The following DPEP1 variants were observed in gnomAD, a reference collection of about 807,000 sequenced individuals.
DPEP1 encodes the protein beta-lactamase.
In DPEP1, 50 loss-of-function variants were observed where a neutral mutation model predicts 42.3. That is an observed-to-expected ratio of 1.18 (90% CI 0.94 to 1.50). The LOEUF is 1.50. Among genes scored for constraint, DPEP1 ranks in the 40% most tolerant of loss-of-function variants. DPEP1 has a pLI of 0.00. For synonymous variants in DPEP1, 297 were observed against 234.0 expected (o/e 1.27, Z -2.46); for missense variants, 663 against 553.0 (o/e 1.20, Z -1.99).
rs770479588 is a variant in DPEP1 at position 89,636,370 on chromosome 16, C to A, written c.344C>A (p.Thr115Asn). 1.9e-6 allele frequency: 3 copies of A among 1,612,468 alleles called. No homozygotes were observed. Among genetic ancestry groups the A allele is most frequent in the East Asian group, 2.2e-5 (1 of 44,882 alleles). Residue 115 changes from threonine to asparagine, a missense_variant, in exon 4 of 11, where the codon ACC becomes AAC. Transcript: ENST00000690203. ...CGCATGTGCCGGATGTACCCGGAGA[C>A]CTTCCTGTATGTCACCAGCAGTGCA... Reference protein sequence around the residue: ...VHRMCRMYPETFLYVTSSAGI... With the variant: ...VHRMCRMYPENFLYVTSSAGI...
At chr16:89,620,405 T>TA (rs1255862033) in intron 1 of DPEP1, among the ~76,000 whole-genome samples, 3 of 152,090 alleles carry the variant, frequency 2.0e-5, no homozygotes, top group Non-Finnish European at 4.4e-5. Context: ...CTAAGGCAGA[T>TA]ACCCTACACT....
At chr16:89,617,682 T>C (rs868000531) in intron 1 of DPEP1, among the ~76,000 whole-genome samples, 5 of 145,686 alleles carry the variant, frequency 3.4e-5, no homozygotes, top group Non-Finnish European at 3.0e-5. Flanking sequence ...ACACCTGTAA[T>C]CCCAGCACTT....
chr16:89,626,280 G>A (rs1319911921), intron 1 of DPEP1, among the ~76,000 whole-genome samples: 1 of 152,170 alleles, frequency 6.6e-6, no homozygotes, highest in Non-Finnish European at 1.5e-5. Flanking sequence ...GCATCGTGGG[G>A]CCATTCACCC....
Position 89,637,473 on chromosome 16 carries a change from G to A in DPEP1, c.774G>A (p.Gln258=). 2.5e-6 allele frequency: 4 copies of A among 1,612,664 alleles called. No individual in the cohort carries two copies. The South Asian group carries it at 3.3e-5, about 13-fold the overall frequency. ...VPDDVLRLVK[Q]TDSLVMVNFY... ...CTGTCTTCCTTCTTGTGCAGAAACA[G>A]ACAGACAGCCTGGTGATGGTGAACT... The change falls in exon 8 of 11, where the codon CAG becomes CAA. Residue 258 remains glutamine (Q), a synonymous_variant. Coordinates refer to ENST00000690203, the MANE Select transcript of DPEP1 (RefSeq NM_001389466.1).
intron 6 of DPEP1, 76 bp downstream of exon 6, chr16:89,637,011 T>G: frequency 1.9e-6 from 3 of 1,579,744 alleles, no homozygotes; most frequent in Non-Finnish European, 2.6e-6. Flanking sequence ...ACAATGCATC[T>G]CCTCACGTGG....
At chr16:89,633,564 C>A (rs190960198) in intron 2 of DPEP1, among the ~76,000 whole-genome samples, 39 of 152,336 alleles carry the variant, frequency 2.6e-4, no homozygotes, top group South Asian at 6.2e-4. Flanking sequence ...GAGCCCGCAG[C>A]TGGAAATGAT....
At chr16:89,637,023 A>T (rs766251335) in intron 6 of DPEP1, 88 bp downstream of exon 6, 1 of 1,560,896 alleles carries the variant, frequency 6.4e-7, no homozygotes. Context: ...CTCACGTGGG[A>T]CCTCAGTGTC....
At chr16:89,621,654 G>A (rs956470382) in intron 1 of DPEP1, among the ~76,000 whole-genome samples, 6 of 152,324 alleles carry the variant, frequency 3.9e-5, no homozygotes, top group South Asian at 2.1e-4. Context: ...GTGGGCTCCC[G>A]TCCCTCGCAC....
chr16:89,638,405 G>C lies in DPEP1; in HGVS notation c.*183G>C, dbSNP rs1474622884. 1 of 1,357,838 alleles carries C rather than the reference G, an allele frequency of 7.4e-7. No homozygotes were observed. Among genetic ancestry groups the C allele is most frequent in the African/African-American group, 1.5e-5 (1 of 67,534 alleles). The allele number at this position is 1,357,838 out of a possible 1,614,324, so 84.1% of individuals were successfully genotyped here. On this transcript the variant is annotated 3_prime_UTR_variant, in exon 11 of 11. Transcript: ENST00000690203. Reference sequence around the variant, plus strand: ...ACAGTTCAGGACACACACACAGTAGGCCCGCAATAAAAGCAACACCCCTTC... The same window carrying C: ...ACAGTTCAGGACACACACACAGTAGCCCCGCAATAAAAGCAACACCCCTTC...
intron 2 of DPEP1, among the ~76,000 whole-genome samples, chr16:89,634,103 T>TC (rs2151496600): frequency 6.7e-6 from 1 of 149,392 alleles, no homozygotes; most frequent in Non-Finnish European, 1.5e-5. Flanking sequence ...TTTTTTTTTT[T>TC]TTTTGGAGGG....
chr16:89,639,798 G>T (rs1321798226), downstream of DPEP1, among the ~76,000 whole-genome samples: 1 of 152,044 alleles, frequency 6.6e-6, no homozygotes, highest in African/African-American at 2.4e-5. Context: ...TAATTCTCCT[G>T]TCTCGGCCTC....
rs1332069440 is a variant in DPEP1, at chr16:89,637,516, T to C, written c.817T>C (p.Ser273Pro). ...GGTGAACTTCTACAACAATTACATTTCCTGCACCAACAAGGCCAACCTGTC... is the reference window on the plus strand; with the variant it reads ...GGTGAACTTCTACAACAATTACATTCCCTGCACCAACAAGGCCAACCTGTC... ...VMVNFYNNYISCTNKANLSQV... is the reference protein window; with the variant it reads ...VMVNFYNNYIPCTNKANLSQV... The change falls in exon 8 of 11, where the codon TCC (serine) becomes CCC (proline). Residue 273 changes from serine to proline, a missense_variant. By Grantham distance (74) the Ser-to-Pro change is moderately conservative (BLOSUM62 -1). Coordinates refer to ENST00000690203, the MANE Select transcript of DPEP1 (RefSeq NM_001389466.1). The C allele has an allele frequency of 6.2e-7, 1 of 1,612,748 alleles. No homozygotes were observed. Among genetic ancestry groups the C allele is most frequent in the South Asian group, 1.1e-5 (1 of 91,078 alleles).
intron 2 of DPEP1, among the ~76,000 whole-genome samples, chr16:89,631,761 G>A (rs1218889294): frequency 6.6e-6 from 1 of 152,162 alleles, no homozygotes; most frequent in Non-Finnish European, 1.5e-5. Flanking sequence ...GGAGGCTGAG[G>A]CAGGAGAATC....
In DPEP1 at chr16:89,616,952, C is replaced by T. The variant is rs191392563; in HGVS notation, c.-107+3233C>T. The T allele has an allele frequency of 2.4e-3, 558 of 235,532 alleles. 5 individuals are homozygous for T. The highest frequency in any genetic ancestry group is 0.015 in the Middle Eastern group (8 of 534). 14.6% of individuals were successfully genotyped at this position (235,532 alleles called of 1,614,324 possible). On this transcript the variant is annotated intron_variant, in intron 1 of 10. Transcript: ENST00000690203. ...CAGGTTTTACCGAGCGGCGTGACGG[C>T]TCCAGAGGGGATGATGGAGTCTGGC... is the stretch of plus-strand genomic sequence containing the variant.
Sources: allele counts gnomAD v4.1 joint callset (sites outside exome capture counted in the v4.1 genomes callset), GRCh38; gene constraint gnomAD v4.1.1; transcripts MANE v1.5; gene names NCBI Gene and HGNC (gene_info 2026-07-23, HGNC 2026-07-21).